SNX29: variants seen among roughly 807,000 people sequenced by gnomAD.
SNX29 encodes the protein sorting nexin 29, also known as sorting nexin-29.
SNX29 carries 78 observed loss-of-function variants against 102.1 expected under a neutral mutation model. The observed-to-expected ratio is 0.76, with a 90% CI of 0.64 to 0.92. The LOEUF is 0.92. SNX29 is among the 40% of genes least tolerant of loss of function. The pLI is 0.00. For missense variants in SNX29, 1,280 were observed against 1,061.7 expected, an observed-to-expected ratio of 1.21 and a Z score of -2.86; for synonymous variants, 580 against 414.5, an observed-to-expected ratio of 1.40 and a Z score of -4.85.
In SNX29 at chr16:12,027,352, T is replaced by C; in HGVS notation, c.155T>C (p.Val52Ala). The C allele has an allele frequency of 3.7e-6, 6 of 1,614,068 alleles. No individual in the cohort carries two copies. Among genetic ancestry groups the C allele is most frequent in the Non-Finnish European group, 5.1e-6 (6 of 1,179,984 alleles). The change falls in exon 4 of 21, where the codon GTC (valine) becomes GCC (alanine). Residue 52 changes from valine to alanine, a missense_variant. Val to Ala is a moderately conservative substitution (Grantham distance 64). Coordinates refer to ENST00000566228, the MANE Select transcript of SNX29 (RefSeq NM_032167.5). The part of the protein sequence containing the change: ...VTCLCAQFEA[V>A]LQHGLKRSRG... ...TGTCTGTGTGCCCAGTTTGAAGCCG[T>C]CCTGCAGCATGGCTTGAAGAGGAGT...
intron 14 of SNX29, among the ~76,000 whole-genome samples, chr16:12,239,066 A>G (rs2142270449): frequency 6.6e-6 from 1 of 152,318 alleles, no homozygotes; most frequent in Non-Finnish European, 1.5e-5. Context: ...CACTGGCCAG[A>G]ACTTAGTCGG....
chr16:12,441,712 C>G (rs367912913), intron 18 of SNX29, among the ~76,000 whole-genome samples: 1 of 152,200 alleles, frequency 6.6e-6, no homozygotes, highest in Non-Finnish European at 1.5e-5. Flanking sequence ...TGAGGACACA[C>G]AGATTTAGCC....
intron 11 of SNX29, among the ~76,000 whole-genome samples, chr16:12,101,175 C>T (rs915429840): frequency 6.6e-6 from 1 of 152,050 alleles, no homozygotes; most frequent in Admixed American, 6.5e-5. Context: ...AGAGGTTGTG[C>T]GTGCGCATCC....
intron 3 of SNX29, among the ~76,000 whole-genome samples, chr16:12,026,796 A>T (rs1336661961): frequency 6.6e-6 from 1 of 152,216 alleles, no homozygotes; most frequent in African/African-American, 2.4e-5. Context: ...TATATAAAGA[A>T]TGAGAATCAG....
rs1161598743 is a variant in SNX29, at chr16:12,403,330, A to G, written c.1956-118A>G. 14 of 941,390 alleles carry G rather than the reference A, an allele frequency of 1.5e-5. No individual in the cohort carries two copies. The Middle Eastern group carries it at 2.2e-3, about 148-fold the overall frequency. 58.3% of individuals were successfully genotyped at this position (941,390 alleles called of 1,614,324 possible). ...TCAGGTGTGATGTAAGTTGTCATAA[A>G]TTGCTTGTGCATAATACCTCTTGGA... On this transcript the variant is annotated intron_variant, in intron 17 of 20. Transcript: ENST00000566228.
chr16:12,356,104 G>A lies in SNX29; in HGVS notation c.1783-59G>A, dbSNP rs560357687. ...CAGGAAGGAGAGTCCAGAGAAGGCG[G>A]GATTGGTCCCTGGGGAATGTCTGCC... On this transcript the variant is annotated intron_variant, in intron 15 of 20. Coordinates refer to ENST00000566228, the MANE Select transcript of SNX29 (RefSeq NM_032167.5). 106 of 1,507,952 alleles carry A rather than the reference G, an allele frequency of 7.0e-5. No individual in the cohort carries two copies. The African/African-American group carries it at 1.3e-3, about 19-fold the overall frequency. The allele number at this position is 1,507,952 out of a possible 1,614,324, so 93.4% of individuals were successfully genotyped here. A position where few individuals can be genotyped will look rare whatever the true frequency, so the allele number is the denominator to read the frequency against.
intron 14 of SNX29, among the ~76,000 whole-genome samples, chr16:12,253,446 G>A (rs748741403): frequency 2.6e-4 from 40 of 152,182 alleles, no homozygotes; most frequent in Non-Finnish European, 4.9e-4. Context: ...TAATTGATAT[G>A]GAACAAAAGT....
intron 12 of SNX29, among the ~76,000 whole-genome samples, chr16:12,128,005 G>A (rs750808346): frequency 1.3e-5 from 2 of 152,102 alleles, no homozygotes; most frequent in Non-Finnish European, 2.9e-5. Context: ...TTTACACACA[G>A]TCATGATTCT....
chr16:12,103,912 T>C (rs2053124531), intron 11 of SNX29, among the ~76,000 whole-genome samples: 1 of 152,256 alleles, frequency 6.6e-6, no homozygotes, highest in Non-Finnish European at 1.5e-5. Flanking sequence ...TGTGATGTTT[T>C]TGTAATCATC....
At position 12,071,037 on chromosome 16, in the gene SNX29, T is replaced by G. The variant is rs1281860942; in HGVS notation, c.1319+1905T>G. Among the ~76,000 whole-genome samples, 3 of 151,878 alleles carry G rather than the reference T, an allele frequency of 2.0e-5. No individual in the cohort carries two copies. The East Asian group carries it at 5.8e-4, about 29-fold the overall frequency. Reference sequence around the variant, plus strand: ...ATGGGGTTGTTTTTTTCTTGTAAATTTGTTTGAGTTCATTGTAGATTCTGG... The same window carrying G: ...ATGGGGTTGTTTTTTTCTTGTAAATGTGTTTGAGTTCATTGTAGATTCTGG... On this transcript the variant is annotated intron_variant, in intron 10 of 20. Transcript: ENST00000566228.
At position 12,476,867 on chromosome 16, in the gene SNX29, T is replaced by C. The variant is rs190304526; in HGVS notation, c.2038-852T>C. Among the ~76,000 whole-genome samples, 17 of 152,314 alleles carry C rather than the reference T, an allele frequency of 1.1e-4. No homozygotes were observed. In the East Asian group the frequency reaches 3.3e-3, roughly 29 times the overall value. ...TCACTCACATTAGAGATGCCTGTTTTCATGGTCATAGAGGTTTTAAAGATG... is the reference window on the plus strand; with the variant it reads ...TCACTCACATTAGAGATGCCTGTTTCCATGGTCATAGAGGTTTTAAAGATG... On this transcript the variant is annotated intron_variant, in intron 18 of 20. Transcript: ENST00000566228.
intron 16 of SNX29, chr16:12,375,243 C>T (rs1442415352): frequency 2.0e-5 from 3 of 152,184 alleles, no homozygotes; most frequent in Non-Finnish European, 2.9e-5. Context: ...AATGATTTGA[C>T]ATTATGCCAA....
At chr16:12,551,029 T>TA (rs1448688881) in intron 20 of SNX29, among the ~76,000 whole-genome samples, 1 of 152,214 alleles carries the variant, frequency 6.6e-6, no homozygotes, top group African/African-American at 2.4e-5. Flanking sequence ...GATGGGCTTC[T>TA]AAACAAGGTG....
intron 20 of SNX29, among the ~76,000 whole-genome samples, chr16:12,530,550 T>G (rs927534545): frequency 6.6e-6 from 1 of 151,940 alleles, no homozygotes; most frequent in Admixed American, 6.6e-5. Context: ...CGTTTTTTTT[T>G]TTTGTTTTTT....
chr16:12,294,532 C>G (rs2079913516), intron 15 of SNX29, among the ~76,000 whole-genome samples: 1 of 152,212 alleles, frequency 6.6e-6, no homozygotes, highest in Non-Finnish European at 1.5e-5. Context: ...CCGCCTCCCT[C>G]TGCTGTCTGT....
intron 7 of SNX29, among the ~76,000 whole-genome samples, chr16:12,049,047 T>G (rs956290620): frequency 6.6e-6 from 1 of 152,202 alleles, no homozygotes; most frequent in Non-Finnish European, 1.5e-5. Flanking sequence ...ATATAATTTA[T>G]GATCCTTAGG....
At chr16:12,353,052 G>A (rs2082031205) in intron 15 of SNX29, among the ~76,000 whole-genome samples, 1 of 152,140 alleles carries the variant, frequency 6.6e-6, no homozygotes, top group African/African-American at 2.4e-5. Context: ...ACTCCCGAAT[G>A]TTAACTCTTG....
intron 20 of SNX29, among the ~76,000 whole-genome samples, chr16:12,565,093 T>A (rs991411630): frequency 3.3e-5 from 5 of 152,042 alleles, no homozygotes; most frequent in Admixed American, 6.6e-5. Context: ...TGGGGTCGTC[T>A]TCTCTTCTGA....
chr16:12,390,399 G>A (rs929239074), intron 16 of SNX29, among the ~76,000 whole-genome samples: 6 of 152,064 alleles, frequency 3.9e-5, no homozygotes, highest in Admixed American at 6.5e-5. Flanking sequence ...CCTGTCCTCC[G>A]TGGACTTTTC....
Sources: allele counts gnomAD v4.1 joint callset (sites outside exome capture counted in the v4.1 genomes callset), GRCh38; gene constraint gnomAD v4.1.1; transcripts MANE v1.5; gene names NCBI Gene and HGNC (gene_info 2026-07-23, HGNC 2026-07-21).